Variants in PHF24 observed in about 807,000 individuals in gnomAD.
PHF24 encodes Galpha inhibitory interacting protein.
PHF24 carries 25 observed loss-of-function variants against 42.6 expected under a neutral mutation model. The observed-to-expected ratio is 0.59, with a 90% CI of 0.43 to 0.82. PHF24 has a LOEUF of 0.82. Ranked by LOEUF, PHF24 falls within the 40% of genes least tolerant of loss-of-function variation. The probability of loss-of-function intolerance (pLI) is 0.00; values close to 1 mark genes in which losing one functional copy is unlikely to be tolerated. For synonymous variants in PHF24, 185 were observed against 204.8 expected (o/e 0.90, Z 0.83); for missense variants, 470 against 538.1 (o/e 0.87, Z 1.25).
At chr9:34,841,039 C>A in the PHF24 span, among the ~76,000 whole-genome samples, 2 of 151,348 alleles carry the variant, frequency 1.3e-5, no homozygotes, top group Non-Finnish European at 2.9e-5. Context: ...TCGCTCTGTC[C>A]CCCAGGCTGG....
the PHF24 span, chr9:34,922,949 C>G: frequency 2.9e-6 from 4 of 1,364,424 alleles, no homozygotes; most frequent in Admixed American, 5.9e-5. Context: ...GTGGTCTCAC[C>G]TTGTGTCGGC....
At chr9:34,850,602 C>T in the PHF24 span, among the ~76,000 whole-genome samples, 4 of 152,224 alleles carry the variant, frequency 2.6e-5, no homozygotes, top group African/African-American at 7.2e-5. Flanking sequence ...TCTCTCAACT[C>T]GTCGAAGTCA....
the PHF24 span, among the ~76,000 whole-genome samples, chr9:34,773,875 T>A: frequency 2.0e-5 from 3 of 152,192 alleles, no homozygotes; most frequent in African/African-American, 7.2e-5. Context: ...TTATGACAGC[T>A]GAATGTAATG....
exon 8 of PHF24, chr9:34,979,498 C>T (rs746932084): frequency 6.6e-5 from 10 of 152,294 alleles, no homozygotes; most frequent in African/African-American, 1.9e-4. Context: ...CTTGGCCGGC[C>T]GTGGGGTCCA....
the PHF24 span, chr9:34,917,400 G>T: frequency 1.3e-6 from 1 of 770,272 alleles, no homozygotes; most frequent in Admixed American, 1.7e-5. Flanking sequence ...GGCTCCAACA[G>T]TGACATGTAT....
chr9:34,791,767 G>A, the PHF24 span, among the ~76,000 whole-genome samples: 1 of 151,924 alleles, frequency 6.6e-6, no homozygotes, highest in Non-Finnish European at 1.5e-5. Context: ...ATGCTGCTCA[G>A]AGCATGTAAG....
the PHF24 span, among the ~76,000 whole-genome samples, chr9:34,886,508 A>G: frequency 1.3e-5 from 2 of 152,172 alleles, no homozygotes; most frequent in Non-Finnish European, 2.9e-5. Flanking sequence ...GCAACTTGTC[A>G]TTCCATTGGT....
the PHF24 span, among the ~76,000 whole-genome samples, chr9:34,941,165 C>A: frequency 6.6e-6 from 1 of 152,168 alleles, no homozygotes; most frequent in African/African-American, 2.4e-5. Context: ...GGGGACCTAG[C>A]ACAATATAAA....
At chr9:34,720,080 C>T in the PHF24 span, among the ~76,000 whole-genome samples, 1 of 152,170 alleles carries the variant, frequency 6.6e-6, no homozygotes, top group Non-Finnish European at 1.5e-5. Flanking sequence ...CCACCTCCTC[C>T]TCCTAGTGAT....
At chr9:34,737,683 G>A in the PHF24 span, among the ~76,000 whole-genome samples, 2 of 152,132 alleles carry the variant, frequency 1.3e-5, no homozygotes, top group Non-Finnish European at 2.9e-5. Flanking sequence ...CTAATTTTTA[G>A]TTAGAGCTGC....
the PHF24 span, among the ~76,000 whole-genome samples, chr9:34,784,289 T>C: frequency 7.3e-6 from 1 of 137,250 alleles, no homozygotes; most frequent in African/African-American, 2.5e-5. Flanking sequence ...AGGTATGCTT[T>C]CAACTTGTTA....
chr9:34,790,275 T>C, the PHF24 span, among the ~76,000 whole-genome samples: 3 of 152,260 alleles, frequency 2.0e-5, no homozygotes, highest in African/African-American at 7.2e-5. Context: ...ATTAGGCAGA[T>C]GTCCTCACAG....
chr9:34,853,814 C>A, the PHF24 span, among the ~76,000 whole-genome samples: 1 of 136,188 alleles, frequency 7.3e-6, no homozygotes, highest in Admixed American at 8.0e-5. Context: ...GGTGACAGAG[C>A]GAGACTCCGT....
At chr9:34,885,941 C>T in the PHF24 span, among the ~76,000 whole-genome samples, 9 of 151,984 alleles carry the variant, frequency 5.9e-5, no homozygotes, top group African/African-American at 2.2e-4. Context: ...ATTCCCCCTG[C>T]CCATACCCAT....
the PHF24 span, among the ~76,000 whole-genome samples, chr9:34,885,349 C>T: frequency 6.6e-6 from 1 of 152,206 alleles, no homozygotes; most frequent in Admixed American, 6.5e-5. Context: ...CGCTGAGGTC[C>T]TGTCCGAGGA....
chr9:34,869,389 T>C, the PHF24 span, among the ~76,000 whole-genome samples: 88 of 152,278 alleles, frequency 5.8e-4, no homozygotes, highest in Admixed American at 9.2e-4. Flanking sequence ...AAAGCATTCC[T>C]TTTTCTCCAC....
the PHF24 span, chr9:34,834,834 G>A: frequency 1.7e-4 from 266 of 1,537,222 alleles, 2 homozygotes; most frequent in Non-Finnish European, 2.1e-4. Context: ...GGGGAAGAGG[G>A]TGGGGCTGAC....
chr9:34,756,717 A>C, the PHF24 span, among the ~76,000 whole-genome samples: 1 of 152,036 alleles, frequency 6.6e-6, no homozygotes, highest in Non-Finnish European at 1.5e-5. Flanking sequence ...GTTGCATATA[A>C]ATTTTAAGGG....
At chr9:34,935,744 G>GTGT in the PHF24 span, among the ~76,000 whole-genome samples, 106 of 150,078 alleles carry the variant, frequency 7.1e-4, no homozygotes, top group Non-Finnish European at 9.6e-4. Context: ...GTGGGGGGGG[G>GTGT]GTGTGTGTGT....
Sources: gnomAD v4.1 joint callset for allele counts (sites outside exome capture counted in the v4.1 genomes callset) on GRCh38, gnomAD v4.1.1 for gene constraint, MANE v1.5 for transcripts, NCBI Gene and HGNC (gene_info 2026-07-23, HGNC 2026-07-21) for gene names.